Variants in TRIM45 observed in about 807,000 individuals in gnomAD.
The protein encoded by TRIM45 is E3 ubiquitin-protein ligase TRIM45.
A neutral mutation model predicts 46.7 loss-of-function variants in TRIM45; 45 were observed. The observed-to-expected ratio is 0.96, with a 90% CI of 0.76 to 1.24. The LOEUF (loss-of-function observed/expected upper bound fraction) is 1.24. TRIM45 is among the 50% of genes most tolerant of loss of function. The probability of loss-of-function intolerance (pLI) is 0.00; values close to 1 mark genes in which losing one functional copy is unlikely to be tolerated. For synonymous variants in TRIM45, 259 were observed against 285.8 expected (o/e 0.91, Z 0.94); for missense variants, 680 against 728.4 (o/e 0.93, Z 0.77).
rs1650303595 is a variant in TRIM45 at position 117,113,677 on chromosome 1, G to A, written c.1468-192C>T. ...GGAGGCAGACACAGATGCAGTGGAA[G>A]CATCACAGGGTCTATGCAGCCCTCC... On this transcript the variant is annotated intron_variant, in intron 4 of 5. Transcript: ENST00000256649. The surrounding 1 kb of genome is among the most constrained non-coding windows in gnomAD (Gnocchi z 4.0). Among the ~76,000 whole-genome samples the A allele has an allele frequency of 6.6e-6, 1 of 152,236 alleles. No individual in the cohort carries two copies. Among genetic ancestry groups the A allele is most frequent in the African/African-American group, 2.4e-5 (1 of 41,464 alleles).
chr1:117,117,183 G>A lies in TRIM45; in HGVS notation c.1223-438C>T, dbSNP rs1031827664. On this transcript the variant is annotated intron_variant, in intron 2 of 5. Transcript: ENST00000256649. This position sits in a 1 kb window ranked among gnomAD's most constrained non-coding sequence, Gnocchi z 4.9. ...TTTTGAGATCCTCTGCAACTTGGTA[G>A]CTCATGCCAAGGTACTGGGGGGATA... 3.9e-5 allele frequency among the ~76,000 whole-genome samples: 6 copies of A among 152,158 alleles called. No homozygotes were observed. Among genetic ancestry groups the A allele is most frequent in the Admixed American group, 2.0e-4 (3 of 15,278 alleles).
chr1:117,121,713 T>C lies in TRIM45; in HGVS notation c.-512A>G, dbSNP rs533721589. 127 of 578,730 alleles carry C rather than the reference T, an allele frequency of 2.2e-4. 1 individual carries two copies. Among genetic ancestry groups the C allele is most frequent in the African/African-American group, 2.0e-3 (98 of 49,920 alleles). The allele number at this position is 578,730 out of a possible 1,614,324, so 35.8% of individuals were successfully genotyped here. ...CGGGCTTCTCGGTGTCCACCGCCTC[T>C]CCCGCGCCTCGGCCCGGGACGCCCG... On this transcript the variant is annotated 5_prime_UTR_variant, in exon 1 of 6. Transcript: ENST00000256649. This position sits in a 1 kb window ranked among gnomAD's most constrained non-coding sequence, Gnocchi z 4.2.
rs772904374 is a variant in TRIM45, at chr1:117,116,647, C to G, written c.1321G>C (p.Val441Leu). The G allele has an allele frequency of 4.3e-6, 7 of 1,613,906 alleles. No homozygotes were observed. The South Asian group carries it at 6.6e-5, about 15-fold the overall frequency. ...TTCTTATCTTTAGGGACAACGGCAA[C>G]TTGAACGTTGTCTCCTCCCCTGCCC... Reference protein sequence around the residue: ...IMGRGGDNVQVAVVPKDKKDS... With the variant: ...IMGRGGDNVQLAVVPKDKKDS... Residue 441 changes from valine to leucine, a missense_variant, in exon 3 of 6, where the codon GTT becomes CTT. Val to Leu is a conservative substitution (Grantham distance 32). Around this residue, in one of 3 missense-constraint regions of TRIM45, gnomAD observed 322 missense variants for 359.3 expected, o/e 0.90. Coordinates refer to ENST00000256649, the MANE Select transcript of TRIM45 (RefSeq NM_025188.4). This position sits in a 1 kb window ranked among gnomAD's most constrained non-coding sequence, Gnocchi z 4.6.
Position 117,112,216 on chromosome 1 carries a change from T to A in TRIM45, c.*89A>T. The stretch of plus-strand genomic sequence containing the variant: ...ATAAGGCACTTTGTTTTTAATTCTA[T>A]CAGTCTCTTTAGAATGAACGAAGGT... On this transcript the variant is annotated 3_prime_UTR_variant, in exon 6 of 6. Coordinates refer to ENST00000256649, the MANE Select transcript of TRIM45 (RefSeq NM_025188.4). 7.7e-7 allele frequency: 1 copy of A among 1,292,674 alleles called. No individual in the cohort carries two copies. The highest frequency in any genetic ancestry group is 2.6e-5 in the South Asian group (1 of 39,160). 80.1% of individuals were successfully genotyped at this position (1,292,674 alleles called of 1,614,324 possible). A position where few individuals can be genotyped will look rare whatever the true frequency, so the allele number is the denominator to read the frequency against.
At position 117,121,554 on chromosome 1, in the gene TRIM45, C is replaced by A; in HGVS notation, c.-353G>T. On this transcript the variant is annotated 5_prime_UTR_variant, in exon 1 of 6. Coordinates refer to ENST00000256649, the MANE Select transcript of TRIM45 (RefSeq NM_025188.4). This position sits in a 1 kb window ranked among gnomAD's most constrained non-coding sequence, Gnocchi z 4.2. ...CTCTCGCTCCCTCCACTGCCACCCC[C>A]CTCCCGCCGCCCGCCCCACTGCGCG... 1.9e-6 allele frequency: 1 copy of A among 517,176 alleles called. No individual in the cohort carries two copies. The highest frequency in any genetic ancestry group is 3.5e-5 in the East Asian group (1 of 28,776). 32.0% of individuals were successfully genotyped at this position (517,176 alleles called of 1,614,324 possible).
chr1:117,121,928 A>G (rs560753897), upstream of TRIM45: 3 of 695,404 alleles, frequency 4.3e-6, no homozygotes, highest in Admixed American at 4.3e-5. This position sits in a 1 kb window ranked among gnomAD's most constrained non-coding sequence, Gnocchi z 4.2. Context: ...GGACCTGACA[A>G]GGCCGTGGGC....
intron 5 of TRIM45, among the ~76,000 whole-genome samples, chr1:117,112,807 A>C (rs1650269836): frequency 1.3e-5 from 2 of 152,244 alleles, no homozygotes; most frequent in African/African-American, 4.8e-5. Flanking sequence ...GGACATTAAA[A>C]AAATAGAGGT....
chr1:117,121,430 A>ACACGCC lies in TRIM45; in HGVS notation c.-235_-230dup. 5.6e-6 allele frequency: 3 copies of ACACGCC among 536,604 alleles called. No homozygotes were observed. In the East Asian group the frequency reaches 9.2e-5, roughly 16 times the overall value. The allele number at this position is 536,604 out of a possible 1,614,324, so 33.2% of individuals were successfully genotyped here. On this transcript the variant is annotated 5_prime_UTR_variant, in exon 1 of 6. Coordinates refer to ENST00000256649, the MANE Select transcript of TRIM45 (RefSeq NM_025188.4). The surrounding 1 kb of genome is among the most constrained non-coding windows in gnomAD (Gnocchi z 4.2). The stretch of plus-strand genomic sequence containing the variant: ...TCCTTTCCACTGCATCCCACACCAG[A>ACACGCC]CACGCCCACGCCCTCCTCTGCCCCG...
chr1:117,122,412 G>C (rs41276582), upstream of TRIM45: 1,129 of 152,426 alleles, frequency 7.4e-3, 4 homozygotes, highest in Non-Finnish European at 0.012. Flanking sequence ...CTCGCGTTAC[G>C]GGGACCGGTT....
chr1:117,112,350 A>C lies in TRIM45; in HGVS notation c.1698T>G (p.Gly566=). Residue 566 remains glycine, a synonymous_variant, in exon 6 of 6, where the codon GGT becomes GGG. Coordinates refer to ENST00000256649, the MANE Select transcript of TRIM45 (RefSeq NM_025188.4). Reference sequence around the variant, plus strand: ...GTAGACTCCTCGGTGCGCTCTGCCCACCTGTCCATGTGCATTCAGATTTCT... The same window carrying C: ...GTAGACTCCTCGGTGCGCTCTGCCCCCCTGTCCATGTGCATTCAGATTTCT... The part of the protein sequence containing the change: ...FNEKSECTWT[G]GQSAPRSLLR... 1.2e-6 allele frequency: 2 copies of C among 1,614,030 alleles called. No individual in the cohort carries two copies. The highest frequency in any genetic ancestry group is 1.7e-6 in the Non-Finnish European group (2 of 1,179,950).
At chr1:117,123,048 A>G (rs1650721913), upstream of TRIM45, among the ~76,000 whole-genome samples, 1 of 151,910 alleles carries the variant, frequency 6.6e-6, no homozygotes, top group African/African-American at 2.4e-5. Context: ...TATGAAAAAA[A>G]AAAAAAAAAC....
At chr1:117,114,834 A>T (rs1650338974) in intron 4 of TRIM45, among the ~76,000 whole-genome samples, 1 of 152,222 alleles carries the variant, frequency 6.6e-6, no homozygotes, top group Non-Finnish European at 1.5e-5. Flanking sequence ...TTAGTGCACA[A>T]ATCATAAGCC....
At chr1:117,122,426 G>C (rs1650691300), upstream of TRIM45, 1 of 152,354 alleles carries the variant, frequency 6.6e-6, no homozygotes, top group Non-Finnish European at 1.5e-5. Flanking sequence ...ACCGGTTCGG[G>C]AGACCGTGGA....
Position 117,121,413 on chromosome 1 carries a change from A to C in TRIM45, c.-212T>G, listed in dbSNP as rs1295168030. 2.5e-5 allele frequency: 14 copies of C among 571,098 alleles called. No homozygotes were observed. In the East Asian group the frequency reaches 4.1e-4, roughly 17 times the overall value. The allele number at this position is 571,098 out of a possible 1,614,324, so 35.4% of individuals were successfully genotyped here. A position where few individuals can be genotyped will look rare whatever the true frequency, so the allele number is the denominator to read the frequency against. ...TACTCAGGAGGGCCCCCTCCTTTCC[A>C]CTGCATCCCACACCAGACACGCCCA... On this transcript the variant is annotated 5_prime_UTR_variant, in exon 1 of 6. Coordinates refer to ENST00000256649, the MANE Select transcript of TRIM45 (RefSeq NM_025188.4). This position sits in a 1 kb window ranked among gnomAD's most constrained non-coding sequence, Gnocchi z 4.2.
Position 117,120,717 on chromosome 1 carries a change from T to A in TRIM45, c.485A>T (p.His162Leu). The change falls in exon 1 of 6, where the codon CAT (histidine) becomes CTT (leucine). Residue 162 changes from histidine (H) to leucine (L), a missense_variant. His to Leu is a moderately conservative substitution (Grantham distance 99, BLOSUM62 -3). Transcript: ENST00000256649. ...ANLCHFCCQA[H>L]RRQKKTTYHT... ...TGATGGAGTGTCCCATCTTTACCTATGAGCCTGGCAGCAGAAGTGGCAGAG... is the reference window on the plus strand; with the variant it reads ...TGATGGAGTGTCCCATCTTTACCTAAGAGCCTGGCAGCAGAAGTGGCAGAG... The A allele has an allele frequency of 1.2e-6, 2 of 1,602,398 alleles. No individual in the cohort carries two copies. The highest frequency in any genetic ancestry group is 1.7e-6 in the Non-Finnish European group (2 of 1,173,248).
In TRIM45 at chr1:117,121,117, A is replaced by T. The variant is rs137953739; in HGVS notation, c.85T>A (p.Cys29Ser). The T allele has an allele frequency of 6.2e-7, 1 of 1,612,990 alleles. No homozygotes were observed. Among genetic ancestry groups the T allele is most frequent in the Admixed American group, 1.7e-5 (1 of 59,798 alleles). Residue 29 changes from cysteine to serine, a missense_variant, in exon 1 of 6, where the codon TGC becomes AGC. By Grantham distance (112) the Cys-to-Ser change is moderately radical. Coordinates refer to ENST00000256649, the MANE Select transcript of TRIM45 (RefSeq NM_025188.4). This position sits in a 1 kb window ranked among gnomAD's most constrained non-coding sequence, Gnocchi z 4.2. ...TTGAAAAGCCCCAAGCACAGGGGGC[A>T]GTGAGTCTTGCCTGAGTTCCCAAGT... ...TALGNSGKTH[C>S]PLCLGLFKAP...
Position 117,120,970 on chromosome 1 carries a change from A to G in TRIM45, c.232T>C (p.Phe78Leu). 6.2e-7 allele frequency: 1 copy of G among 1,614,176 alleles called. No homozygotes were observed. The change falls in exon 1 of 6, where the codon TTC becomes CTC. Residue 78 changes from phenylalanine (F) to leucine (L), a missense_variant. Coordinates refer to ENST00000256649, the MANE Select transcript of TRIM45 (RefSeq NM_025188.4). ...DSDTSSEGSI[F>L]QELKPRSLQS... ...AGACTTCGTGGCTTGAGTTCCTGGA[A>G]TATTGACCCCTCAGAGCTTGTGTCA...
At chr1:117,114,645 T>C (rs1650333091) in intron 4 of TRIM45, among the ~76,000 whole-genome samples, 1 of 152,222 alleles carries the variant, frequency 6.6e-6, no homozygotes, top group Non-Finnish European at 1.5e-5. Context: ...CAAATTCCTA[T>C]TTTGCTACAT....
chr1:117,120,903 T>C lies in TRIM45; in HGVS notation c.299A>G (p.Gln100Arg), dbSNP rs1650595576. 3 of 1,614,218 alleles carry C rather than the reference T, an allele frequency of 1.9e-6. No individual in the cohort carries two copies. Among genetic ancestry groups the C allele is most frequent in the Non-Finnish European group, 2.5e-6 (3 of 1,180,034 alleles). Residue 100 changes from glutamine (Q) to arginine (R), a missense_variant, in exon 1 of 6, where the codon CAG becomes CGG. Gln to Arg is a conservative substitution (Grantham distance 43, BLOSUM62 1). Around this residue, in one of 3 missense-constraint regions of TRIM45, gnomAD observed 349 missense variants for 343.6 expected, o/e 1.02. Transcript: ENST00000256649. ...CACTCCACCCATGGGCAGGTCCACC[T>C]GAGCATCACATACAGGACAAAGGAT... is the stretch of plus-strand genomic sequence containing the variant. ...IGILCPVCDA[Q>R]VDLPMGGVKA...
Sources: allele counts gnomAD v4.1 joint callset (sites outside exome capture counted in the v4.1 genomes callset), GRCh38; gene constraint gnomAD v4.1.1; regional missense constraint gnomAD v4.1.1; non-coding constraint Gnocchi (gnomAD v3.1); transcripts MANE v1.5; gene names NCBI Gene and HGNC (gene_info 2026-07-23, HGNC 2026-07-21).